The following DSCAML1 variants were observed in gnomAD, a reference collection of about 807,000 sequenced individuals.
DSCAML1 encodes the protein cell adhesion molecule DSCAML1.
In DSCAML1, 38 loss-of-function variants were observed where a neutral mutation model predicts 200.5. The ratio of observed to expected loss-of-function variants is 0.19; its 90% CI spans 0.15 to 0.25. The LOEUF (loss-of-function observed/expected upper bound fraction) is 0.25, where lower values mean the gene tolerates loss of function less well. Among genes scored for constraint, DSCAML1 ranks in the 10% least tolerant of loss-of-function variants. The probability of loss-of-function intolerance (pLI) is 1.00; values close to 1 mark genes in which losing one functional copy is unlikely to be tolerated. For synonymous variants in DSCAML1, 1,215 were observed against 1,165.0 expected (o/e 1.04, Z -0.87); for missense variants, 2,223 against 2,858.8 (o/e 0.78, Z 5.07).
Position 117,482,170 on chromosome 11 carries a change from G to A in DSCAML1, c.2360-8C>T. 1 of 1,613,916 alleles carries A rather than the reference G, an allele frequency of 6.2e-7. No individual in the cohort carries two copies. The highest frequency in any genetic ancestry group is 8.5e-7 in the Non-Finnish European group (1 of 1,179,912). Reference sequence around the variant, plus strand: ...AAGTGATCATGGCCGGGACTGGGGGGCGGAGGCAGAGAAGGCCCAGTGAAG... The same window carrying A: ...AAGTGATCATGGCCGGGACTGGGGGACGGAGGCAGAGAAGGCCCAGTGAAG... On this transcript the variant is annotated splice_region_variant and splice_polypyrimidine_tract_variant and intron_variant, in intron 11 of 32. Transcript: ENST00000651296.
At chr11:117,615,658 A>C (rs1007931598) in intron 3 of DSCAML1, among the ~76,000 whole-genome samples, 2 of 152,114 alleles carry the variant, frequency 1.3e-5, no homozygotes, top group African/African-American at 4.8e-5. Context: ...AGATTGTAGA[A>C]GGAAGTGTGT....
At position 117,603,168 on chromosome 11, in the gene DSCAML1, C is replaced by G. The variant is rs536817814; in HGVS notation, c.512-70646G>C. Among the ~76,000 whole-genome samples the G allele has an allele frequency of 3.3e-5, 5 of 152,320 alleles. No homozygotes were observed. In the South Asian group the frequency reaches 6.2e-4, roughly 19 times the overall value. The stretch of plus-strand genomic sequence containing the variant: ...CCAGTGCAAGGTCCCATATGAGGAA[C>G]TGACACAGAGTCTCCCAACCTGGCT... On this transcript the variant is annotated intron_variant, in intron 3 of 32. Coordinates refer to ENST00000651296, the MANE Select transcript of DSCAML1 (RefSeq NM_020693.4).
chr11:117,596,470 A>G (rs2137498063), intron 3 of DSCAML1, among the ~76,000 whole-genome samples: 1 of 151,274 alleles, frequency 6.6e-6, no homozygotes, highest in South Asian at 2.1e-4. Flanking sequence ...GAGAGAGAAG[A>G]GGGGAGCCCA....
chr11:117,573,938 C>T (rs535491589), intron 3 of DSCAML1, among the ~76,000 whole-genome samples: 57 of 152,302 alleles, frequency 3.7e-4, no homozygotes, highest in African/African-American at 1.3e-3. Context: ...CCCTCATGCT[C>T]GGCAGGATGT....
intron 3 of DSCAML1, among the ~76,000 whole-genome samples, chr11:117,737,532 G>A (rs1247268499): frequency 6.6e-6 from 1 of 152,186 alleles, no homozygotes; most frequent in African/African-American, 2.4e-5. Context: ...GGCAGGCTGG[G>A]GGCCTACAGA....
chr11:117,672,055 C>T (rs1431162096), intron 3 of DSCAML1, among the ~76,000 whole-genome samples: 4 of 141,556 alleles, frequency 2.8e-5, no homozygotes, highest in African/African-American at 5.3e-5. Context: ...GAGCCGAGAT[C>T]GCGCCACTGC....
chr11:117,611,782 T>TA (rs1341790113), intron 3 of DSCAML1: 1 of 152,136 alleles, frequency 6.6e-6, no homozygotes, highest in Non-Finnish European at 1.5e-5. Context: ...GTCATTCCCT[T>TA]ACCTTCAGTG....
intron 16 of DSCAML1, among the ~76,000 whole-genome samples, chr11:117,466,020 T>A (rs1008674587): frequency 6.6e-6 from 1 of 152,162 alleles, no homozygotes; most frequent in Admixed American, 6.5e-5. Context: ...ACCGCTACCA[T>A]GGAAAAGAGT....
At chr11:117,515,059 C>T (rs187388018) in intron 8 of DSCAML1, among the ~76,000 whole-genome samples, 29 of 152,368 alleles carry the variant, frequency 1.9e-4, no homozygotes, top group African/African-American at 6.7e-4. Flanking sequence ...TTATAACCAT[C>T]GCAGCCTGCT....
chr11:117,444,141 C>T (rs1159661423), intron 20 of DSCAML1, 102 bp from the exon 21 acceptor site: 41 of 1,335,236 alleles, frequency 3.1e-5, no homozygotes, highest in Non-Finnish European at 3.9e-5. Context: ...ATGGCGGGGT[C>T]GGATGCGAGG....
At chr11:117,439,982 C>A (rs746275872) in intron 21 of DSCAML1, 46 bp from the exon 22 acceptor site, 18 of 1,528,246 alleles carry the variant, frequency 1.2e-5, no homozygotes, top group Middle Eastern at 1.7e-4. Flanking sequence ...TACCCCTGCA[C>A]AATATCCTGG....
At chr11:117,567,959 A>C (rs1471783733) in intron 3 of DSCAML1, among the ~76,000 whole-genome samples, 2 of 152,162 alleles carry the variant, frequency 1.3e-5, no homozygotes, top group African/African-American at 2.4e-5. Flanking sequence ...ATGAACATTG[A>C]TGCAAAAATC....
intron 3 of DSCAML1, among the ~76,000 whole-genome samples, chr11:117,733,149 A>T (rs1591451184): frequency 1.3e-5 from 2 of 151,674 alleles, no homozygotes; most frequent in Admixed American, 6.6e-5. Flanking sequence ...CATGCGGGGG[A>T]AGGGGCCAGA....
chr11:117,684,326 C>T (rs986664874), intron 3 of DSCAML1, among the ~76,000 whole-genome samples: 4 of 151,830 alleles, frequency 2.6e-5, no homozygotes, highest in African/African-American at 9.7e-5. Flanking sequence ...TCTCCCACTG[C>T]CAGCCAGTGC....
Position 117,469,863 on chromosome 11 carries a change from G to C in DSCAML1, c.3024+47C>G, listed in dbSNP as rs1157976487. ...GAGCTTTCGTCCTGGATTGAGGAGAGAGGAGGCAAGCAGACATTCCAGGGG... is the reference window on the plus strand; with the variant it reads ...GAGCTTTCGTCCTGGATTGAGGAGACAGGAGGCAAGCAGACATTCCAGGGG... On this transcript the variant is annotated intron_variant, in intron 16 of 32. Coordinates refer to ENST00000651296, the MANE Select transcript of DSCAML1 (RefSeq NM_020693.4). This position sits in a 1 kb window ranked among gnomAD's most constrained non-coding sequence, Gnocchi z 4.1. 1 of 1,537,698 alleles carries C rather than the reference G, an allele frequency of 6.5e-7. No individual in the cohort carries two copies. The highest frequency in any genetic ancestry group is 1.3e-5 in the South Asian group (1 of 79,404).
chr11:117,650,373 T>C (rs2052605782), intron 3 of DSCAML1, among the ~76,000 whole-genome samples: 1 of 152,176 alleles, frequency 6.6e-6, no homozygotes, highest in Admixed American at 6.5e-5. Flanking sequence ...AGGATCCAGT[T>C]ATGGGATTCA....
chr11:117,498,677 T>C lies in DSCAML1; in HGVS notation c.2359+5168A>G, dbSNP rs550971479. Reference sequence around the variant, plus strand: ...CAGTGGCCAATCATGGTGGGTGACCTGGTCCACGGAGGCCCGAGGGCTTCC... The same window carrying C: ...CAGTGGCCAATCATGGTGGGTGACCCGGTCCACGGAGGCCCGAGGGCTTCC... On this transcript the variant is annotated intron_variant, in intron 11 of 32. Transcript: ENST00000651296. This position sits in a 1 kb window ranked among gnomAD's most constrained non-coding sequence, Gnocchi z 4.0. 6.6e-6 allele frequency among the ~76,000 whole-genome samples: 1 copy of C among 152,300 alleles called. No individual in the cohort carries two copies. Among genetic ancestry groups the C allele is most frequent in the Admixed American group, 6.5e-5 (1 of 15,310 alleles).
intron 3 of DSCAML1, among the ~76,000 whole-genome samples, chr11:117,674,896 T>C (rs2053179558): frequency 6.6e-6 from 1 of 152,266 alleles, no homozygotes; most frequent in South Asian, 2.1e-4. Context: ...GCTTGTCCTA[T>C]AGGGATCCTA....
intron 3 of DSCAML1, among the ~76,000 whole-genome samples, chr11:117,533,401 A>T (rs1005399084): frequency 6.6e-6 from 1 of 152,218 alleles, no homozygotes; most frequent in Non-Finnish European, 1.5e-5. Flanking sequence ...GTCCTTCTGC[A>T]TGGAATTATA....
Sources: allele counts gnomAD v4.1 joint callset (sites outside exome capture counted in the v4.1 genomes callset), GRCh38; gene constraint gnomAD v4.1.1; non-coding constraint Gnocchi (gnomAD v3.1); transcripts MANE v1.5; gene names NCBI Gene and HGNC (gene_info 2026-07-23, HGNC 2026-07-21).